Variants in TAFA5 observed in about 807,000 individuals in gnomAD.
TAFA5 encodes chemokine-like protein TAFA-5.
In TAFA5, 6 loss-of-function variants were observed where a neutral mutation model predicts 15.3. The ratio of observed to expected loss-of-function variants is 0.39; its 90% CI spans 0.21 to 0.77. TAFA5 has a LOEUF of 0.77. Ranked by LOEUF, TAFA5 falls within the 30% of genes least tolerant of loss-of-function variation. The pLI, the probability that TAFA5 is intolerant of heterozygous loss-of-function variation, is 0.41. For synonymous variants in TAFA5, 103 were observed against 80.7 expected (o/e 1.28, Z -1.48); for missense variants, 161 against 193.1 (o/e 0.83, Z 0.98).
intron 2 of TAFA5, among the ~76,000 whole-genome samples, chr22:48,653,405 TGGGCA>T (rs1395795624): frequency 1.3e-5 from 2 of 152,112 alleles, no homozygotes. Flanking sequence ...GCCCAGCAGG[TGGGCA>T]GGGCAGGGCA....
intron 3 of TAFA5, among the ~76,000 whole-genome samples, chr22:48,739,979 G>T (rs962766573): frequency 6.6e-6 from 1 of 152,088 alleles, no homozygotes; most frequent in East Asian, 1.9e-4. Context: ...CTGCAGGTCG[G>T]CTTTCTAAGT....
Position 48,682,081 on chromosome 22 carries a change from G to A in TAFA5, c.263-25636G>A, listed in dbSNP as rs1479383809. On this transcript the variant is annotated intron_variant, in intron 2 of 3. Coordinates refer to ENST00000402357, the MANE Select transcript of TAFA5 (RefSeq NM_001082967.3). ...ATCGATCCCATTCGTGGAGCACAGT[G>A]GGTGTTTGATGACAAATCACAACTT... Among the ~76,000 whole-genome samples the A allele has an allele frequency of 1.3e-5, 2 of 151,576 alleles. 1 individual carries two copies. The highest frequency in any genetic ancestry group is 2.9e-5 in the Non-Finnish European group (2 of 67,810).
At chr22:48,642,066 A>G (rs1176637772) in intron 1 of TAFA5, among the ~76,000 whole-genome samples, 2 of 150,798 alleles carry the variant, frequency 1.3e-5, no homozygotes, top group Non-Finnish European at 3.0e-5. Flanking sequence ...AGCCTGGTGG[A>G]GGGGCCTGCA....
At chr22:48,726,947 G>C (rs551463348) in intron 3 of TAFA5, among the ~76,000 whole-genome samples, 1 of 152,208 alleles carries the variant, frequency 6.6e-6, no homozygotes, top group African/African-American at 2.4e-5. Context: ...GGCCACTCCT[G>C]GATTCCCTAG....
chr22:48,613,510 C>T (rs1925486663), intron 1 of TAFA5, among the ~76,000 whole-genome samples: 1 of 152,238 alleles, frequency 6.6e-6, no homozygotes, highest in Non-Finnish European at 1.5e-5. Flanking sequence ...TGTCTCATCT[C>T]CTGAGCTTGG....
chr22:48,675,677 TC>T (rs1927949352), intron 2 of TAFA5, among the ~76,000 whole-genome samples: 1 of 152,216 alleles, frequency 6.6e-6, no homozygotes. Context: ...AAGCCCGGCT[TC>T]CCTCTGCAGT....
At chr22:48,699,502 G>A (rs531618118) in intron 2 of TAFA5, among the ~76,000 whole-genome samples, 1 of 152,306 alleles carries the variant, frequency 6.6e-6, no homozygotes, top group South Asian at 2.1e-4. Context: ...TGTACCTGCT[G>A]GCTCTCCGTG....
intron 1 of TAFA5, among the ~76,000 whole-genome samples, chr22:48,602,707 G>A (rs1317379567): frequency 2.0e-5 from 3 of 152,194 alleles, no homozygotes; most frequent in African/African-American, 4.8e-5. Context: ...GGCTGTGGCC[G>A]TTTCTCAGGG....
At chr22:48,652,800 G>T (rs1927099983) in intron 2 of TAFA5, among the ~76,000 whole-genome samples, 2 of 52,968 alleles carry the variant, frequency 3.8e-5, no homozygotes, top group Non-Finnish European at 3.6e-5. Flanking sequence ...GCCTGCCTCA[G>T]GAGGCACCCT....
intron 1 of TAFA5, among the ~76,000 whole-genome samples, chr22:48,632,815 C>T (rs1006957955): frequency 2.0e-5 from 3 of 152,266 alleles, no homozygotes; most frequent in South Asian, 2.1e-4. Flanking sequence ...GGCTCCAGGG[C>T]GGAGTCTCTG....
intron 1 of TAFA5, among the ~76,000 whole-genome samples, chr22:48,494,563 C>T (rs763881588): frequency 5.3e-5 from 8 of 152,202 alleles, no homozygotes; most frequent in Admixed American, 1.3e-4. Flanking sequence ...GGGCCCATAG[C>T]GTCTGGTGTG....
chr22:48,645,031 C>T (rs2147201145), intron 1 of TAFA5, among the ~76,000 whole-genome samples: 1 of 152,370 alleles, frequency 6.6e-6, no homozygotes, highest in South Asian at 2.1e-4. Context: ...TCTTTTCTAA[C>T]CGCCGTGGCC....
intron 3 of TAFA5, among the ~76,000 whole-genome samples, chr22:48,710,953 TCTGCTCA>T (rs1929233080): frequency 6.6e-6 from 1 of 152,166 alleles, no homozygotes; most frequent in Admixed American, 6.5e-5. Context: ...TTCTGCTTGT[TCTGCTCA>T]ACACAAAGGC....
At chr22:48,526,147 C>A (rs932465531) in intron 1 of TAFA5, among the ~76,000 whole-genome samples, 1 of 152,222 alleles carries the variant, frequency 6.6e-6, no homozygotes, top group Non-Finnish European at 1.5e-5. Flanking sequence ...TGGCCCTGCC[C>A]GGGTGCTCCC....
rs2147202463 is a variant in TAFA5 at position 48,646,694 on chromosome 22, T to C, written c.210T>C (p.Cys70=). 6.2e-7 allele frequency: 1 copy of C among 1,609,090 alleles called. No individual in the cohort carries two copies. The highest frequency in any genetic ancestry group is 8.5e-7 in the Non-Finnish European group (1 of 1,179,196). Residue 70 remains cysteine, a synonymous_variant, in exon 2 of 4, where the codon TGT becomes TGC. Coordinates refer to ENST00000402357, the MANE Select transcript of TAFA5 (RefSeq NM_001082967.3). Reference sequence around the variant, plus strand: ...CCCGGCAGACCGCCCGCTGTGCGTGTAGAAAGGGGCAGATCGCCGGCACCA... The same window carrying C: ...CCCGGCAGACCGCCCGCTGTGCGTGCAGAAAGGGGCAGATCGCCGGCACCA... ...TIARQTARCA[C]RKGQIAGTTR... is the part of the protein sequence containing the mutation.
chr22:48,548,602 G>A (rs201449118), intron 1 of TAFA5, among the ~76,000 whole-genome samples: 1 of 152,152 alleles, frequency 6.6e-6, no homozygotes, highest in Non-Finnish European at 1.5e-5. Context: ...TGCTGCTCTC[G>A]GCAGGCTGGG....
intron 1 of TAFA5, among the ~76,000 whole-genome samples, chr22:48,585,062 TCA>T (rs1247822555): frequency 1.9e-5 from 2 of 106,136 alleles, no homozygotes; most frequent in Non-Finnish European, 3.9e-5. Flanking sequence ...CACAAAAACA[TCA>T]CACACACAGC....
At chr22:48,658,809 C>A (rs927634330) in intron 2 of TAFA5, among the ~76,000 whole-genome samples, 1 of 152,182 alleles carries the variant, frequency 6.6e-6, no homozygotes, top group Non-Finnish European at 1.5e-5. Flanking sequence ...AGGCCTGTGG[C>A]CACAGTGTGG....
Position 48,707,857 on chromosome 22 carries a change from C to T in TAFA5, c.390+13C>T, listed in dbSNP as rs77372693. 5.0e-3 allele frequency: 8,109 copies of T among 1,609,708 alleles called. 305 individuals carry two copies. In the African/African-American group the frequency reaches 0.086, roughly 17 times the overall value. On this transcript the variant is annotated intron_variant, in intron 3 of 3. Transcript: ENST00000402357. ...AAAGACCACCACGGTATGTGGCCCT[C>T]GGCTTTCTCGTGGGTGTGCTGGGGA...
Sources: gnomAD v4.1 joint callset for allele counts (sites outside exome capture counted in the v4.1 genomes callset) on GRCh38, gnomAD v4.1.1 for gene constraint, MANE v1.5 for transcripts, NCBI Gene and HGNC (gene_info 2026-07-23, HGNC 2026-07-21) for gene names.